Variants in SLC26A9 observed in about 807,000 individuals in gnomAD.
SLC26A9 encodes the protein anion transporter/exchanger protein 9.
A neutral mutation model predicts 87.1 loss-of-function variants in SLC26A9; 46 were observed. That is an observed-to-expected ratio of 0.53 (90% CI 0.42 to 0.67). The LOEUF is 0.67. Among genes scored for constraint, SLC26A9 ranks in the 30% least tolerant of loss-of-function variants. SLC26A9 has a pLI of 0.00. For missense variants in SLC26A9, 927 were observed against 1,018.3 expected (o/e 0.91, Z 1.22); for synonymous variants, 437 against 409.1 (o/e 1.07, Z -0.82).
At position 205,932,832 on chromosome 1, in the gene SLC26A9, T is replaced by G. The variant is rs983777334; in HGVS notation, c.266-20A>C. On this transcript the variant is annotated intron_variant, in intron 3 of 20. Coordinates refer to ENST00000367135, the MANE Select transcript of SLC26A9 (RefSeq NM_052934.4). The stretch of plus-strand genomic sequence containing the variant: ...CCATGCCTGCAGAGGACAACGAGAC[T>G]GAAGCTCAGCAGCATGACTAGCTTA... 6.3e-7 allele frequency: 1 copy of G among 1,590,474 alleles called. No homozygotes were observed. The highest frequency in any genetic ancestry group is 8.6e-7 in the Non-Finnish European group (1 of 1,166,884).
chr1:205,923,751 T>C, intron 13 of SLC26A9, 138 bp from the exon 14 acceptor site: 1 of 884,834 alleles, frequency 1.1e-6, no homozygotes, highest in East Asian at 2.6e-5. Context: ...GTGTCTGTCT[T>C]TTTGCACTGG....
chr1:205,920,323 C>T (rs1658773920), intron 17 of SLC26A9, 93 bp from the exon 18 acceptor site: 1 of 1,504,924 alleles, frequency 6.6e-7, no homozygotes, highest in African/African-American at 1.4e-5. Context: ...AGAGGGGAAG[C>T]CAAACAAATA....
At chr1:205,927,105 G>A in intron 11 of SLC26A9, 106 bp downstream of exon 11, 1 of 1,150,516 alleles carries the variant, frequency 8.7e-7, no homozygotes. Context: ...TTGAGACTAA[G>A]TGTGACAACA....
chr1:205,915,269 C>T lies in SLC26A9; in HGVS notation c.*88G>A. 1 of 1,601,820 alleles carries T rather than the reference C, an allele frequency of 6.2e-7. No individual in the cohort carries two copies. Among genetic ancestry groups the T allele is most frequent in the South Asian group, 1.1e-5 (1 of 89,180 alleles). ...CTCTGGGGGATGCACTTTCCTCCGC[C>T]CGACACCCCCTGTGACCCCAGGCTC... On this transcript the variant is annotated 3_prime_UTR_variant, in exon 21 of 21. Coordinates refer to ENST00000367135, the MANE Select transcript of SLC26A9 (RefSeq NM_052934.4).
At chr1:205,934,745 C>G (rs1659441197) in intron 2 of SLC26A9, among the ~76,000 whole-genome samples, 1 of 152,140 alleles carries the variant, frequency 6.6e-6, no homozygotes, top group African/African-American at 2.4e-5. Context: ...ACTTTGTGCC[C>G]TAAAGTCTTG....
At chr1:205,935,023 G>T (rs1659451365) in intron 2 of SLC26A9, 1 of 152,288 alleles carries the variant, frequency 6.6e-6, no homozygotes, top group Admixed American at 6.5e-5. Context: ...GCCAGAGGAG[G>T]TCTGCCAGGA....
intron 1 of SLC26A9, among the ~76,000 whole-genome samples, chr1:205,938,059 C>T (rs185843569): frequency 1.3e-4 from 20 of 152,100 alleles, no homozygotes; most frequent in Middle Eastern, 3.4e-3. Context: ...AGTGTGTTTG[C>T]GGGGAAGGGA....
Position 205,925,696 on chromosome 1 carries a change from G to A in SLC26A9, c.1389+839C>T, listed in dbSNP as rs952214289. Among the ~76,000 whole-genome samples, 3 of 152,128 alleles carry A rather than the reference G, an allele frequency of 2.0e-5. No homozygotes were observed. The East Asian group carries it at 5.8e-4, about 29-fold the overall frequency. On this transcript the variant is annotated intron_variant, in intron 12 of 20. Coordinates refer to ENST00000367135, the MANE Select transcript of SLC26A9 (RefSeq NM_052934.4). ...CCTAGAGGTCTGGAGTCCAGGACTT[G>A]GAGTTTTAATCCAGACTCTACCACT... is the stretch of plus-strand genomic sequence containing the variant.
intron 7 of SLC26A9, 49 bp from the exon 8 acceptor site, chr1:205,928,958 G>A (rs200199738): frequency 1.3e-6 from 2 of 1,594,432 alleles, no homozygotes; most frequent in African/African-American, 2.7e-5. Context: ...GGTGGGGCCA[G>A]GGCAGGCGTC....
At chr1:205,929,632 C>A (rs1659226844) in intron 6 of SLC26A9, among the ~76,000 whole-genome samples, 1 of 152,182 alleles carries the variant, frequency 6.6e-6, no homozygotes, top group Admixed American at 6.5e-5. Context: ...GCAGGACTTT[C>A]CAGGCAGGGA....
intron 1 of SLC26A9, among the ~76,000 whole-genome samples, chr1:205,940,786 G>A (rs981621843): frequency 1.4e-4 from 21 of 152,196 alleles, no homozygotes; most frequent in Non-Finnish European, 1.5e-5. Flanking sequence ...GGGCCAGGCT[G>A]ACTTCCTCCC....
In SLC26A9 at chr1:205,923,266, C is replaced by T. The variant is rs138212410; in HGVS notation, c.1659+69G>A. The T allele has an allele frequency of 1.1e-3, 1,761 of 1,608,316 alleles. 27 individuals carry two copies. In the South Asian group the frequency reaches 0.016, roughly 14 times the overall value. On this transcript the variant is annotated intron_variant, in intron 15 of 20. Transcript: ENST00000367135. The stretch of plus-strand genomic sequence containing the variant: ...GGAGTGGCCTATTCTCAGCTCCCAC[C>T]GCCCTTCTGCTTCCATTTTCCGGCC...
At position 205,923,134 on chromosome 1, in the gene SLC26A9, T is replaced by C; in HGVS notation, c.1721A>G (p.Lys574Arg). 5 of 1,614,174 alleles carry C rather than the reference T, an allele frequency of 3.1e-6. No individual in the cohort carries two copies. The highest frequency in any genetic ancestry group is 3.4e-6 in the Non-Finnish European group (4 of 1,180,042). ...CTGTTGTGTGGGCCTCATTCTCCGC[T>C]TCTCCTGCTTCTTGAGGTATTTTTG... is the stretch of plus-strand genomic sequence containing the variant. ...AKQKYLKKQE[K>R]RRMRPTQQRR... is the part of the protein sequence containing the mutation. Residue 574 changes from lysine to arginine, a missense_variant, in exon 16 of 21, where the codon AAG (lysine) becomes AGG (arginine). By Grantham distance (26) the Lys-to-Arg change is conservative. Coordinates refer to ENST00000367135, the MANE Select transcript of SLC26A9 (RefSeq NM_052934.4).
rs769424823 is a variant in SLC26A9, at chr1:205,914,899, C to T, written c.*458G>A. ...TCCTAACCAAGTTTATCCCTATGTC[C>T]GTGACAGCCTGACACCATCTGACAC... On this transcript the variant is annotated 3_prime_UTR_variant, in exon 21 of 21. Coordinates refer to ENST00000367135, the MANE Select transcript of SLC26A9 (RefSeq NM_052934.4). 9.9e-6 allele frequency: 16 copies of T among 1,610,370 alleles called. No individual in the cohort carries two copies. Among genetic ancestry groups the T allele is most frequent in the Middle Eastern group, 1.6e-4 (1 of 6,070 alleles).
At position 205,915,313 on chromosome 1, in the gene SLC26A9, AAGTGCCAGGCACTCTGT is replaced by A. The variant is rs1558116887; in HGVS notation, c.*27_*43del. 3.1e-6 allele frequency: 5 copies of A among 1,613,556 alleles called. No homozygotes were observed. Among genetic ancestry groups the A allele is most frequent in the Non-Finnish European group, 4.2e-6 (5 of 1,179,712 alleles). On this transcript the variant is annotated 3_prime_UTR_variant, in exon 21 of 21. Transcript: ENST00000367135. The stretch of plus-strand genomic sequence containing the variant: ...CAGGCTCATCCTTTATGGAAGTCCC[AAGTGCCAGGCACTCTGT>A]AGGCAGCATGAGGACTGGCTGAGCC...
Position 205,931,953 on chromosome 1 carries a change from A to C in SLC26A9, c.459T>G (p.Asn153Lys). 6.2e-7 allele frequency: 1 copy of C among 1,614,224 alleles called. No individual in the cohort carries two copies. The highest frequency in any genetic ancestry group is 8.5e-7 in the Non-Finnish European group (1 of 1,180,036). The change falls in exon 5 of 21, where the codon AAT (asparagine) becomes AAG (lysine). Residue 153 changes from asparagine to lysine, a missense_variant. Transcript: ENST00000367135. Reference sequence around the variant, plus strand: ...TGTCCACATAGCTCTCATTGGTGGCATTGTTGAAGACCTGGAATTTCGACT... The same window carrying C: ...TGTCCACATAGCTCTCATTGGTGGCCTTGTTGAAGACCTGGAATTTCGACT... Reference protein sequence around the residue: ...APESKFQVFNNATNESYVDTA... With the variant: ...APESKFQVFNKATNESYVDTA...
chr1:205,924,559 T>C, intron 12 of SLC26A9, 70 bp from the exon 13 acceptor site: 1 of 1,380,008 alleles, frequency 7.2e-7, no homozygotes, highest in South Asian at 1.2e-5. Flanking sequence ...CTTCCTGGAT[T>C]AGCCAAGGCC....
rs913945020 is a variant in SLC26A9, at chr1:205,921,727, A to C, written c.1894T>G (p.Ser632Ala). The C allele has an allele frequency of 6.3e-7, 1 of 1,590,852 alleles. No homozygotes were observed. Among genetic ancestry groups the C allele is most frequent in the Non-Finnish European group, 8.6e-7 (1 of 1,168,964 alleles). ...VSYITFSPDS[S>A]SPAQSEPPAS... ...GGTGGCTCACTCTGGGCAGGTGAGGAGCTGTCAGGGCTGAAGGTGATATAG... is the reference window on the plus strand; with the variant it reads ...GGTGGCTCACTCTGGGCAGGTGAGGCGCTGTCAGGGCTGAAGGTGATATAG... The change falls in exon 17 of 21, where the codon TCC becomes GCC. Residue 632 changes from serine (S) to alanine (A), a missense_variant. Ser to Ala is a moderately conservative substitution (Grantham distance 99, BLOSUM62 1). Coordinates refer to ENST00000367135, the MANE Select transcript of SLC26A9 (RefSeq NM_052934.4).
intron 17 of SLC26A9, among the ~76,000 whole-genome samples, chr1:205,920,451 C>A (rs539024240): frequency 1.6e-4 from 24 of 152,202 alleles, no homozygotes; most frequent in Non-Finnish European, 2.6e-4. Flanking sequence ...CTTTTGCCAA[C>A]GTGGCGGGCA....
Sources: gnomAD v4.1 joint callset for allele counts (sites outside exome capture counted in the v4.1 genomes callset) on GRCh38, gnomAD v4.1.1 for gene constraint, MANE v1.5 for transcripts, NCBI Gene and HGNC (gene_info 2026-07-23, HGNC 2026-07-21) for gene names.